ERCC5: variants seen among roughly 807,000 people sequenced by gnomAD.
ERCC5 encodes ERCC excision repair 5, endonuclease.
ERCC5 carries 68 observed loss-of-function variants against 105.6 expected under a neutral mutation model. The observed-to-expected ratio is 0.64, with a 90% confidence interval of 0.53 to 0.79. The LOEUF (loss-of-function observed/expected upper bound fraction) is 0.79. Ranked by LOEUF, ERCC5 falls within the 30% of genes least tolerant of loss-of-function variation. ERCC5 has a pLI of 0.00. For synonymous variants in ERCC5, 546 were observed against 526.2 expected, an observed-to-expected ratio of 1.04 and a Z score of -0.51; for missense variants, 1,373 against 1,426.7, an observed-to-expected ratio of 0.96 and a Z score of 0.61.
In ERCC5 at chr13:102,875,637, G is replaced by A; in HGVS notation, c.3295G>A (p.Gly1099Arg). 6.2e-7 allele frequency: 1 copy of A among 1,614,078 alleles called. No individual in the cohort carries two copies. The highest frequency in any genetic ancestry group is 8.5e-7 in the Non-Finnish European group (1 of 1,179,956). Residue 1099 changes from glycine (G) to arginine (R), a missense_variant, in exon 15 of 15, where the codon GGA becomes AGA. Gly to Arg is a moderately radical substitution (Grantham distance 125). This residue lies in a region of ERCC5 where 367 missense variants were observed against 350.2 expected (regional missense o/e 1.05). Coordinates refer to ENST00000652225, the MANE Select transcript of ERCC5 (RefSeq NM_000123.4). ...GETCLSESSD[G>R]SSSEDAESSS... is the part of the protein sequence containing the mutation. ...GACCTGCCTCTCAGAATCATCTGAT[G>A]GATCTTCAAGTGAAGATGCTGAAAG...
In ERCC5 at chr13:102,852,269, T is replaced by C; in HGVS notation, c.240T>C (p.Ala80=). 1 of 1,614,150 alleles carries C rather than the reference T, an allele frequency of 6.2e-7. No individual in the cohort carries two copies. Among genetic ancestry groups the C allele is most frequent in the Non-Finnish European group, 8.5e-7 (1 of 1,180,016 alleles). ...CTATTTTTGTGTTTGATGGGGATGC[T>C]CCACTATTGAAGAAACAGACTTTGG... The part of the protein sequence containing the change: ...IRPIFVFDGD[A]PLLKKQTLVK... Residue 80 remains alanine (A), a synonymous_variant, in exon 2 of 15, where the codon GCT becomes GCC. Transcript: ENST00000652225.
At chr13:102,859,952 A>G (rs189215612) in intron 6 of ERCC5, among the ~76,000 whole-genome samples, 15 of 152,368 alleles carry the variant, frequency 9.8e-5, no homozygotes, top group Non-Finnish European at 2.9e-5. Flanking sequence ...GTTGCACACC[A>G]TTCTGAGTAG....
chr13:102,871,493 A>G (rs924293604), intron 12 of ERCC5, among the ~76,000 whole-genome samples: 3 of 152,148 alleles, frequency 2.0e-5, no homozygotes, highest in Non-Finnish European at 2.9e-5. Flanking sequence ...TGTTAGTGTT[A>G]TTTATTTTAA....
chr13:102,866,349 A>C lies in ERCC5; in HGVS notation c.2287A>C (p.Thr763Pro). Residue 763 changes from threonine to proline, a missense_variant, in exon 10 of 15, where the codon ACT (threonine) becomes CCT (proline). Physicochemically the swap from Thr to Pro is conservative, Grantham distance 38. This residue lies in a region of ERCC5 where 1,004 missense variants were observed against 1,059.7 expected (regional missense o/e 0.95). Transcript: ENST00000652225. The part of the protein sequence containing the change: ...QKQQQERIAA[T>P]VTGQMFLESQ... ...ACAGCAGCAAGAACGGATCGCTGCT[A>C]CTGTCACCGGACAGATGTTCCTGGA... The C allele has an allele frequency of 6.2e-7, 1 of 1,614,188 alleles. No homozygotes were observed. Among genetic ancestry groups the C allele is most frequent in the Non-Finnish European group, 8.5e-7 (1 of 1,180,006 alleles).
chr13:102,850,431 C>T (rs1438955072), intron 1 of ERCC5, among the ~76,000 whole-genome samples: 1 of 152,050 alleles, frequency 6.6e-6, no homozygotes, highest in Non-Finnish European at 1.5e-5. Flanking sequence ...AGCCCAGTAG[C>T]AGGAAGTGAG....
rs569179188 is a variant in ERCC5 at position 102,868,044 on chromosome 13, A to G, written c.2534-69A>G. The G allele has an allele frequency of 3.4e-6, 5 of 1,462,132 alleles. No homozygotes were observed. The African/African-American group carries it at 5.7e-5, about 17-fold the overall frequency. 90.6% of individuals were successfully genotyped at this position (1,462,132 alleles called of 1,614,324 possible). On this transcript the variant is annotated intron_variant, in intron 11 of 14. Coordinates refer to ENST00000652225, the MANE Select transcript of ERCC5 (RefSeq NM_000123.4). ...AGATATACACACGTACATGATTTAT[A>G]TAATAAAATGTTTATAAATGTCATA...
At chr13:102,855,115 T>G (rs748327512) in intron 4 of ERCC5, among the ~76,000 whole-genome samples, 10 of 152,244 alleles carry the variant, frequency 6.6e-5, no homozygotes, top group Non-Finnish European at 1.2e-4. Flanking sequence ...TTTCTGTCTT[T>G]GTCTTTGATC....
intron 13 of ERCC5, among the ~76,000 whole-genome samples, 173 bp from the exon 14 acceptor site, chr13:102,873,086 T>C (rs1468412088): frequency 6.6e-6 from 1 of 152,222 alleles, no homozygotes; most frequent in Non-Finnish European, 1.5e-5. Context: ...TGCCAGATGA[T>C]TATGCTGGAG....
At chr13:102,846,437 C>T (rs1362688615) in intron 1 of ERCC5, 83 bp downstream of exon 1, 1 of 1,204,480 alleles carries the variant, frequency 8.3e-7, no homozygotes. Flanking sequence ...GGCACAGTGG[C>T]ATCTGCAGGA....
At position 102,873,300 on chromosome 13, in the gene ERCC5, A is replaced by G; in HGVS notation, c.2921A>G (p.Asp974Gly). ...RYFGWNRTKT[D>G]ESLFPVLKQL... ...TTCGGCTGGAACAGAACGAAGACAG[A>G]TGAATCTCTGTTTCCTGTATTAAAG... Residue 974 changes from aspartate (D) to glycine (G), a missense_variant, in exon 14 of 15, where the codon GAT becomes GGT. Asp to Gly is a moderately conservative substitution (Grantham distance 94). Around this residue, in one of 3 missense-constraint regions of ERCC5, gnomAD observed 367 missense variants for 350.2 expected, o/e 1.05. Transcript: ENST00000652225. 6.2e-7 allele frequency: 1 copy of G among 1,614,152 alleles called. No individual in the cohort carries two copies. Among genetic ancestry groups the G allele is most frequent in the Middle Eastern group, 1.6e-4 (1 of 6,062 alleles).
Position 102,863,001 on chromosome 13 carries a change from A to G in ERCC5, c.1852A>G (p.Ile618Val), listed in dbSNP as rs375506595. 6.2e-7 allele frequency: 1 copy of G among 1,614,118 alleles called. No homozygotes were observed. The highest frequency in any genetic ancestry group is 1.3e-5 in the African/African-American group (1 of 74,938). The stretch of plus-strand genomic sequence containing the variant: ...AGAGCATGAGAATTTTCTGGAAACC[A>G]TCCAAGAACAGCAGACCACTGAATC... The part of the protein sequence containing the change: ...AKEHENFLET[I>V]QEQQTTESAG... The change falls in exon 8 of 15, where the codon ATC becomes GTC. Residue 618 changes from isoleucine (I) to valine (V), a missense_variant. Coordinates refer to ENST00000652225, the MANE Select transcript of ERCC5 (RefSeq NM_000123.4).
intron 12 of ERCC5, among the ~76,000 whole-genome samples, chr13:102,870,034 T>A (rs1350678601): frequency 6.6e-6 from 1 of 152,202 alleles, no homozygotes; most frequent in Non-Finnish European, 1.5e-5. Context: ...TTAGGATGAA[T>A]ACAGAGTAAA....
At position 102,872,302 on chromosome 13, in the gene ERCC5, C is replaced by CT. The variant is rs753490628; in HGVS notation, c.2784dup (p.Asn929Ter). 1 of 1,614,172 alleles carries CT rather than the reference C, an allele frequency of 6.2e-7. No homozygotes were observed. Among genetic ancestry groups the CT allele is most frequent in the South Asian group, 1.1e-5 (1 of 91,082 alleles). ...ACATTGCAACTCACCCCTGGCTTTC[C>CT]TAACCCAGCTGTTGCCGAGGCCTAC... On this transcript the variant is annotated frameshift_variant, in exon 13 of 15. Coordinates refer to ENST00000652225, the MANE Select transcript of ERCC5 (RefSeq NM_000123.4). LOFTEE classifies it high-confidence loss of function.
chr13:102,847,429 G>A (rs555192543), intron 1 of ERCC5, among the ~76,000 whole-genome samples: 2 of 152,032 alleles, frequency 1.3e-5, no homozygotes, highest in African/African-American at 4.8e-5. Context: ...GATTGCGGGG[G>A]GATTGGGGAC....
At chr13:102,871,515 C>T (rs1383342125) in intron 12 of ERCC5, among the ~76,000 whole-genome samples, 1 of 152,064 alleles carries the variant, frequency 6.6e-6, no homozygotes, top group Non-Finnish European at 1.5e-5. Flanking sequence ...TATCTGTTTA[C>T]TTTTCTCATA....
rs760008264 is a variant in ERCC5 at position 102,865,843 on chromosome 13, G to T, written c.2131G>T (p.Asp711Tyr). 8 of 1,614,108 alleles carry T rather than the reference G, an allele frequency of 5.0e-6. No individual in the cohort carries two copies. The highest frequency in any genetic ancestry group is 6.8e-6 in the Non-Finnish European group (8 of 1,180,046). Reference sequence around the variant, plus strand: ...GGACAACTCTGAGAGGGACGACGTGGATGGTGAGCCACAGGAAGCTGAGAA... The same window carrying T: ...GGACAACTCTGAGAGGGACGACGTGTATGGTGAGCCACAGGAAGCTGAGAA... ...LRDNSERDDVDGEPQEAEKDA... is the reference protein window; with the variant it reads ...LRDNSERDDVYGEPQEAEKDA... The change falls in exon 9 of 15, where the codon GAT (aspartate) becomes TAT (tyrosine). Residue 711 changes from aspartate to tyrosine, a missense_variant. Coordinates refer to ENST00000652225, the MANE Select transcript of ERCC5 (RefSeq NM_000123.4). This position sits in a 1 kb window ranked among gnomAD's most constrained non-coding sequence, Gnocchi z 4.0.
rs751683274 is a variant in ERCC5, at chr13:102,846,371, G to A, written c.88+17G>A. The A allele has an allele frequency of 1.9e-5, 30 of 1,610,468 alleles. No homozygotes were observed. The highest frequency in any genetic ancestry group is 2.5e-5 in the Non-Finnish European group (29 of 1,176,998). ...TGGCTGTTGGTATCCTTAACGCCGCGTTGGGACTTGGGGTGCAGGGATTCG... is the reference window on the plus strand; with the variant it reads ...TGGCTGTTGGTATCCTTAACGCCGCATTGGGACTTGGGGTGCAGGGATTCG... On this transcript the variant is annotated intron_variant, in intron 1 of 14. Transcript: ENST00000652225.
chr13:102,859,088 A>C (rs565422968), intron 6 of ERCC5, among the ~76,000 whole-genome samples: 2 of 152,226 alleles, frequency 1.3e-5, no homozygotes, highest in East Asian at 3.9e-4. Flanking sequence ...GTGTCTCCTG[A>C]TCATGCTGCC....
At chr13:102,873,654 A>AT (rs1883104636) in intron 14 of ERCC5, among the ~76,000 whole-genome samples, 1 of 152,112 alleles carries the variant, frequency 6.6e-6, no homozygotes, top group Non-Finnish European at 1.5e-5. Context: ...ATTTACTTTC[A>AT]TTTTTTAACG....
Sources: gnomAD v4.1 joint callset for allele counts (sites outside exome capture counted in the v4.1 genomes callset) on GRCh38, gnomAD v4.1.1 for gene constraint, gnomAD v4.1.1 regional missense constraint, Gnocchi (gnomAD v3.1) non-coding constraint, MANE v1.5 for transcripts, NCBI Gene and HGNC (gene_info 2026-07-23, HGNC 2026-07-21) for gene names.